Variants in DLG5 observed in about 807,000 individuals in gnomAD.
DLG5 encodes disks large homolog 5.
In DLG5, 48 loss-of-function variants were observed where a neutral mutation model predicts 189.8. That is an observed-to-expected ratio of 0.25 (90% confidence interval 0.20 to 0.32). The LOEUF is 0.32. Ranked by LOEUF, DLG5 falls within the 10% of genes least tolerant of loss-of-function variation. The probability of loss-of-function intolerance (pLI) is 1.00; values close to 1 mark genes in which losing one functional copy is unlikely to be tolerated. For missense variants in DLG5, 2,160 were observed against 2,544.7 expected (o/e 0.85, Z 3.25); for synonymous variants, 1,016 against 1,054.1 (o/e 0.96, Z 0.70).
At position 77,834,001 on chromosome 10, in the gene DLG5, G is replaced by A. The variant is rs767375720; in HGVS notation, c.1661C>T (p.Ala554Val). The A allele has an allele frequency of 9.3e-6, 15 of 1,608,808 alleles. No individual in the cohort carries two copies. The highest frequency in any genetic ancestry group is 5.5e-5 in the South Asian group (5 of 91,062). Residue 554 changes from alanine (A) to valine (V), a missense_variant, in exon 9 of 32, where the codon GCG (alanine) becomes GTG (valine). Physicochemically the swap from Ala to Val is moderately conservative, Grantham distance 64. Around this residue, in one of 5 missense-constraint regions of DLG5, gnomAD observed 664 missense variants for 838.5 expected, o/e 0.79. Transcript: ENST00000372391. ...CDNLRRERDR[A>V]VSELAEALRS... ...CAGGGCCTCAGCCAGCTCGCTCACC[G>A]CACGGTCCCGCTCCCGCCTCAGGTT...
At chr10:77,842,247 G>A in intron 6 of DLG5, 54 bp from the exon 7 acceptor site, 2 of 1,562,632 alleles carry the variant, frequency 1.3e-6, no homozygotes, top group South Asian at 1.2e-5. Flanking sequence ...CCCGGTCAGT[G>A]GCCGGCTGCG....
rs149846107 is a variant in DLG5 at position 77,816,563 on chromosome 10, C to T, written c.4013G>A (p.Arg1338Gln). Residue 1338 changes from arginine (R) to glutamine (Q), a missense_variant, in exon 20 of 32, where the codon CGG becomes CAG. Coordinates refer to ENST00000372391, the MANE Select transcript of DLG5 (RefSeq NM_004747.4). ...CGGCCATGCTCACCTGTCCTTTCTC[C>T]GCTCCCCGAGGGACGCGGGGTTGAC... The part of the protein sequence containing the change: ...IAVNPASLGE[R>Q]RKDRPYVEEP... 35 of 1,613,954 alleles carry T rather than the reference C, an allele frequency of 2.2e-5. No homozygotes were observed. The highest frequency in any genetic ancestry group is 2.7e-5 in the African/African-American group (2 of 74,928).
intron 2 of DLG5, among the ~76,000 whole-genome samples, chr10:77,863,916 C>T (rs1264280810): frequency 3.3e-5 from 5 of 152,284 alleles, no homozygotes; most frequent in South Asian, 4.1e-4. Flanking sequence ...CCCTGCCTTA[C>T]GAGGAAGCTG....
intron 7 of DLG5, among the ~76,000 whole-genome samples, chr10:77,836,550 C>T (rs1465737373): frequency 2.0e-5 from 3 of 152,086 alleles, no homozygotes; most frequent in Non-Finnish European, 2.9e-5. Context: ...AGAAAGCTTC[C>T]GTTCCCTCTA....
intron 26 of DLG5, 34 bp downstream of exon 26, chr10:77,806,724 G>GCC: frequency 3.0e-6 from 3 of 1,016,160 alleles, no homozygotes; most frequent in Non-Finnish European, 4.4e-6. Flanking sequence ...GGCGACCCCT[G>GCC]CCCCACCCCA....
At chr10:77,844,559 T>C (rs1287028942) in intron 5 of DLG5, among the ~76,000 whole-genome samples, 1 of 152,156 alleles carries the variant, frequency 6.6e-6, no homozygotes, top group East Asian at 1.9e-4. Flanking sequence ...CCGCATCCCA[T>C]GCAAGTACCT....
chr10:77,792,453 G>C lies in DLG5; in HGVS notation c.5747C>G (p.Ala1916Gly), dbSNP rs780010962. The change falls in exon 32 of 32, where the codon GCC becomes GGC. Residue 1916 changes from alanine (A) to glycine (G), a missense_variant. By Grantham distance (60) the Ala-to-Gly change is moderately conservative (BLOSUM62 0). This residue lies in a region of DLG5 where 574 missense variants were observed against 644.2 expected (regional missense o/e 0.89). Coordinates refer to ENST00000372391, the MANE Select transcript of DLG5 (RefSeq NM_004747.4). The stretch of plus-strand genomic sequence containing the variant: ...CACAGCATTCTCCTAGAGCGGGCAG[G>C]CTGGAATCCACAGGACTTTATTTTG... ...QEQNKVLWIP[A>G]CPL 1.1e-5 allele frequency: 18 copies of C among 1,614,100 alleles called. No individual in the cohort carries two copies. The highest frequency in any genetic ancestry group is 1.4e-5 in the Non-Finnish European group (17 of 1,180,046).
intron 1 of DLG5, among the ~76,000 whole-genome samples, chr10:77,920,097 A>G (rs535667800): frequency 6.6e-6 from 1 of 152,324 alleles, no homozygotes; most frequent in South Asian, 2.1e-4. Flanking sequence ...TTGGCATAGT[A>G]TACAAGGAGC....
intron 2 of DLG5, chr10:77,867,059 GCA>G (rs1432107807): frequency 8.8e-6 from 4 of 457,068 alleles, no homozygotes; most frequent in South Asian, 6.2e-5. Flanking sequence ...CCCAGGAAGA[GCA>G]CAGAGATACT....
chr10:77,811,178 G>C lies in DLG5; in HGVS notation c.4379C>G (p.Thr1460Ser). The change falls in exon 23 of 32, where the codon ACC becomes AGC. Residue 1460 changes from threonine (T) to serine (S), a missense_variant. Thr to Ser is a moderately conservative substitution (Grantham distance 58). This residue lies in a region of DLG5 where 574 missense variants were observed against 644.2 expected (regional missense o/e 0.89). Transcript: ENST00000372391. ...HSTLQGSGTTTPEHPSVIDPL... is the reference protein window; with the variant it reads ...HSTLQGSGTTSPEHPSVIDPL... ...GTCGATGACAGATGGATGCTCCGGGGTGGTGGTGCCACTGCCCTGGAGAGT... is the reference window on the plus strand; with the variant it reads ...GTCGATGACAGATGGATGCTCCGGGCTGGTGGTGCCACTGCCCTGGAGAGT... The C allele has an allele frequency of 6.2e-7, 1 of 1,613,472 alleles. No individual in the cohort carries two copies. Among genetic ancestry groups the C allele is most frequent in the South Asian group, 1.1e-5 (1 of 91,030 alleles).
chr10:77,878,085 T>A (rs1845162077), intron 1 of DLG5, among the ~76,000 whole-genome samples: 1 of 152,188 alleles, frequency 6.6e-6, no homozygotes, highest in South Asian at 2.1e-4. Flanking sequence ...TCCCTCCTGC[T>A]CTGGCCCGGT....
At chr10:77,870,555 G>A (rs577335441) in intron 1 of DLG5, among the ~76,000 whole-genome samples, 10 of 152,170 alleles carry the variant, frequency 6.6e-5, no homozygotes, top group Admixed American at 2.0e-4. Context: ...GTGGTGGCAC[G>A]CACCTGTAAT....
At chr10:77,885,976 G>A (rs967720985) in intron 1 of DLG5, among the ~76,000 whole-genome samples, 7 of 152,132 alleles carry the variant, frequency 4.6e-5, no homozygotes, top group African/African-American at 7.2e-5. Flanking sequence ...GTAGAGAAAG[G>A]TCCCCCCAGA....
intron 2 of DLG5, among the ~76,000 whole-genome samples, chr10:77,867,266 T>C (rs1844720238): frequency 6.6e-6 from 1 of 152,180 alleles, no homozygotes; most frequent in South Asian, 2.1e-4. Flanking sequence ...TGGAATCCCC[T>C]TTTAGAATGC....
At chr10:77,888,797 A>T (rs1395528357) in intron 1 of DLG5, among the ~76,000 whole-genome samples, 1 of 152,018 alleles carries the variant, frequency 6.6e-6, no homozygotes, top group Non-Finnish European at 1.5e-5. Context: ...GTCAACTAAT[A>T]TTTTCCAAGC....
At chr10:77,814,974 A>G (rs1335537266) in intron 20 of DLG5, among the ~76,000 whole-genome samples, 3 of 152,164 alleles carry the variant, frequency 2.0e-5, no homozygotes, top group African/African-American at 7.2e-5. Flanking sequence ...CAGTCAGGTC[A>G]CACATGTCAA....
At chr10:77,927,624 T>C (rs1185928265), upstream of DLG5, 1 of 152,108 alleles carries the variant, frequency 6.6e-6, no homozygotes, top group Non-Finnish European at 1.5e-5. Context: ...AAAAGAAAGG[T>C]GGGTGTCTGC....
chr10:77,920,739 G>A (rs1299440876), intron 1 of DLG5, among the ~76,000 whole-genome samples: 1 of 152,134 alleles, frequency 6.6e-6, no homozygotes, highest in Non-Finnish European at 1.5e-5. Context: ...TTTCTTCCCT[G>A]GTCAGGGGCT....
chr10:77,910,466 A>C (rs896064225), intron 1 of DLG5, among the ~76,000 whole-genome samples: 14 of 152,096 alleles, frequency 9.2e-5, no homozygotes, highest in Non-Finnish European at 1.9e-4. Flanking sequence ...GCTCACCCTC[A>C]CTGTAAAGGC....
Sources: allele counts gnomAD v4.1 joint callset (sites outside exome capture counted in the v4.1 genomes callset), GRCh38; gene constraint gnomAD v4.1.1; regional missense constraint gnomAD v4.1.1; transcripts MANE v1.5; gene names NCBI Gene and HGNC (gene_info 2026-07-23, HGNC 2026-07-21).